Variants in ACVR1C observed in about 807,000 individuals in gnomAD.
The protein encoded by ACVR1C is activin receptor type-1C.
Under a neutral mutation model 57.9 loss-of-function variants are expected in ACVR1C, and 23 were observed. That is an observed-to-expected ratio of 0.40 (90% CI 0.29 to 0.56). ACVR1C has a LOEUF of 0.56. Ranked by LOEUF, ACVR1C falls within the 20% of genes least tolerant of loss-of-function variation. ACVR1C has a pLI of 0.50. For synonymous variants in ACVR1C, 214 were observed against 215.3 expected (o/e 0.99, Z 0.05); for missense variants, 480 against 607.9 (o/e 0.79, Z 2.21).
rs192475241 is a variant in ACVR1C at position 157,616,679 on chromosome 2, T to C, written c.73+11893A>G. On this transcript the variant is annotated intron_variant, in intron 1 of 8. Transcript: ENST00000243349. ...TATTACAAGGTCTTTATACTAAAAC[T>C]GGAGGTGTCAGGGTAAAGAGAGAAG... Among the ~76,000 whole-genome samples the C allele has an allele frequency of 4.5e-3, 683 of 152,208 alleles. 6 individuals are homozygous for C. In the Middle Eastern group the frequency reaches 0.051, roughly 11 times the overall value.
chr2:157,586,625 A>G (rs1298457045), intron 2 of ACVR1C, among the ~76,000 whole-genome samples: 2 of 152,170 alleles, frequency 1.3e-5, no homozygotes, highest in East Asian at 3.8e-4. Context: ...ACTGTATAAT[A>G]TGACGAAAGG....
chr2:157,542,557 TA>T (rs1687647852), intron 6 of ACVR1C, 148 bp downstream of exon 6: 2 of 928,710 alleles, frequency 2.2e-6, no homozygotes, highest in Admixed American at 5.6e-5. Context: ...TTGCACCCAC[TA>T]ACTTCTCAGT....
Position 157,556,114 on chromosome 2 carries a change from T to G in ACVR1C, c.523A>C (p.Thr175Pro), listed in dbSNP as rs1459201374. ...KTLKDLIYDVTASGSGSGLPL... is the reference protein window; with the variant it reads ...KTLKDLIYDVPASGSGSGLPL... ...ATACCAGAGCCAGATCCAGAGGCGG[T>G]CACATCATAAATCAGATCTTTCAGA... Residue 175 changes from threonine (T) to proline (P), a missense_variant, in exon 3 of 9, where the codon ACC becomes CCC. Coordinates refer to ENST00000243349, the MANE Select transcript of ACVR1C (RefSeq NM_145259.3). The G allele has an allele frequency of 6.2e-7, 1 of 1,613,898 alleles. No individual in the cohort carries two copies. Among genetic ancestry groups the G allele is most frequent in the African/African-American group, 1.3e-5 (1 of 74,882 alleles).
At chr2:157,566,124 G>C (rs1188708597) in intron 2 of ACVR1C, among the ~76,000 whole-genome samples, 1 of 152,134 alleles carries the variant, frequency 6.6e-6, no homozygotes, top group Non-Finnish European at 1.5e-5. Flanking sequence ...ATGCATGTCT[G>C]TAAATAACTT....
intron 1 of ACVR1C, among the ~76,000 whole-genome samples, chr2:157,591,429 T>C (rs1259558892): frequency 1.3e-5 from 2 of 151,946 alleles, no homozygotes; most frequent in Non-Finnish European, 2.9e-5. Context: ...GGAAAGTGGG[T>C]CCAAAAATCT....
intron 2 of ACVR1C, among the ~76,000 whole-genome samples, chr2:157,557,896 T>C (rs1006410693): frequency 6.6e-6 from 1 of 152,220 alleles, no homozygotes; most frequent in Non-Finnish European, 1.5e-5. Flanking sequence ...GATAATTTCC[T>C]GTGTTTTTCA....
intron 2 of ACVR1C, among the ~76,000 whole-genome samples, chr2:157,561,041 T>G (rs1404690512): frequency 6.6e-6 from 1 of 152,168 alleles, no homozygotes; most frequent in Non-Finnish European, 1.5e-5. Context: ...AGTGAAGAGA[T>G]ATGTGCTGCT....
intron 2 of ACVR1C, among the ~76,000 whole-genome samples, chr2:157,557,782 TA>T (rs1688139678): frequency 6.6e-6 from 1 of 152,208 alleles, no homozygotes; most frequent in South Asian, 2.1e-4. Flanking sequence ...ATTCTAATTT[TA>T]AAAACACATG....
At chr2:157,581,665 C>A (rs919731061) in intron 2 of ACVR1C, among the ~76,000 whole-genome samples, 5 of 152,208 alleles carry the variant, frequency 3.3e-5, no homozygotes, top group African/African-American at 1.2e-4. Flanking sequence ...ACCCCACCAT[C>A]TGGGGTGACT....
At chr2:157,599,034 AAC>A (rs1682230054) in intron 1 of ACVR1C, among the ~76,000 whole-genome samples, 2 of 151,966 alleles carry the variant, frequency 1.3e-5, no homozygotes, top group Non-Finnish European at 2.9e-5. Flanking sequence ...ATATTCTGGA[AAC>A]TGAAAAAAGC....
rs767087892 is a variant in ACVR1C at position 157,587,239 on chromosome 2, G to A, written c.252C>T (p.Thr84=). The A allele has an allele frequency of 6.8e-6, 11 of 1,613,524 alleles. No homozygotes were observed. Among genetic ancestry groups the A allele is most frequent in the South Asian group, 3.3e-5 (3 of 91,076 alleles). ...FCHSSNNVTK[T]ECCFTDFCNN... ...TGCAAAAATCTGTGAAGCAGCATTC[G>A]GTTTTGGTAACATTGTTGGAACTAT... is the stretch of plus-strand genomic sequence containing the variant. Residue 84 remains threonine, a synonymous_variant, in exon 2 of 9, where the codon ACC becomes ACT. Coordinates refer to ENST00000243349, the MANE Select transcript of ACVR1C (RefSeq NM_145259.3).
intron 1 of ACVR1C, among the ~76,000 whole-genome samples, chr2:157,595,806 T>C (rs1057129526): frequency 1.3e-5 from 2 of 152,194 alleles, no homozygotes; most frequent in Non-Finnish European, 2.9e-5. Flanking sequence ...TGGCCTTTGC[T>C]CTTCTTGTTC....
chr2:157,534,088 T>C, intron 8 of ACVR1C, 45 bp from the exon 9 acceptor site: 1 of 1,419,146 alleles, frequency 7.0e-7, no homozygotes, highest in Non-Finnish European at 9.2e-7. Flanking sequence ...CTACTCTACA[T>C]AAAACAGAGC....
chr2:157,554,201 G>GAGAGAGAGAGAGAA (rs1553481316), intron 3 of ACVR1C, among the ~76,000 whole-genome samples: 2 of 41,440 alleles, frequency 4.8e-5, no homozygotes, highest in Admixed American at 3.5e-4. Flanking sequence ...ATAAAGAAGA[G>GAGAGAGAGAGAGAA]AGAAAGAAAG....
chr2:157,533,892 A>T lies in ACVR1C; in HGVS notation c.*26T>A. 6.6e-7 allele frequency: 1 copy of T among 1,517,784 alleles called. No homozygotes were observed. The highest frequency in any genetic ancestry group is 1.3e-5 in the South Asian group (1 of 75,862). 94.0% of individuals were successfully genotyped at this position (1,517,784 alleles called of 1,614,324 possible). A position where few individuals can be genotyped will look rare whatever the true frequency, so the allele number is the denominator to read the frequency against. On this transcript the variant is annotated 3_prime_UTR_variant, in exon 9 of 9. Transcript: ENST00000243349. ...AAAATGGAAAAGAAAGCTATGAGAGATTTCTTTTTAACATAATTATCATCA... is the reference window on the plus strand; with the variant it reads ...AAAATGGAAAAGAAAGCTATGAGAGTTTTCTTTTTAACATAATTATCATCA...
At chr2:157,595,962 T>A (rs1029918066) in intron 1 of ACVR1C, among the ~76,000 whole-genome samples, 1 of 152,246 alleles carries the variant, frequency 6.6e-6, no homozygotes, top group Non-Finnish European at 1.5e-5. Context: ...TGTAATTCGC[T>A]TTTTAATTGT....
At chr2:157,597,227 A>G (rs1431766293) in intron 1 of ACVR1C, 3 of 553,432 alleles carry the variant, frequency 5.4e-6, no homozygotes, top group Admixed American at 6.4e-5. Flanking sequence ...ATGTGCATTA[A>G]CCTGCCCCCA....
At chr2:157,581,654 G>T (rs1348653097) in intron 2 of ACVR1C, among the ~76,000 whole-genome samples, 1 of 152,184 alleles carries the variant, frequency 6.6e-6, no homozygotes, top group East Asian at 1.9e-4. Flanking sequence ...ACCCAGAAAT[G>T]ACCCCACCAT....
At chr2:157,613,281 T>C (rs147247038) in intron 1 of ACVR1C, among the ~76,000 whole-genome samples, 163 of 152,338 alleles carry the variant, frequency 1.1e-3, no homozygotes, top group South Asian at 7.9e-3. Context: ...TTGCTTCTTC[T>C]TTCTGGGGAG....
Sources: gnomAD v4.1 joint callset for allele counts (sites outside exome capture counted in the v4.1 genomes callset) on GRCh38, gnomAD v4.1.1 for gene constraint, MANE v1.5 for transcripts, NCBI Gene and HGNC (gene_info 2026-07-23, HGNC 2026-07-21) for gene names.